CNTNAP5: variants seen among roughly 807,000 people sequenced by gnomAD.
The protein encoded by CNTNAP5 is contactin-associated protein-like 5.
CNTNAP5 carries 72 observed loss-of-function variants against 150.2 expected under a neutral mutation model. That is an observed-to-expected ratio of 0.48 (90% CI 0.40 to 0.58). The LOEUF is 0.58. CNTNAP5 is among the 20% of genes least tolerant of loss of function. CNTNAP5 has a pLI of 0.00. For synonymous variants in CNTNAP5, 672 were observed against 619.8 expected (o/e 1.08, Z -1.25); for missense variants, 1,636 against 1,626.2 (o/e 1.01, Z -0.10).
intron 12 of CNTNAP5, among the ~76,000 whole-genome samples, chr2:124,635,544 C>T (rs1297574468): frequency 6.6e-6 from 1 of 152,164 alleles, no homozygotes; most frequent in African/African-American, 2.4e-5. Flanking sequence ...TCCATCAAGT[C>T]CTCCTGACTT....
At chr2:124,441,441 T>C (rs1387026467) in intron 5 of CNTNAP5, among the ~76,000 whole-genome samples, 1 of 152,134 alleles carries the variant, frequency 6.6e-6, no homozygotes, top group East Asian at 1.9e-4. Flanking sequence ...TAGTGCTTAT[T>C]TGTGCCTTTT....
intron 13 of CNTNAP5, among the ~76,000 whole-genome samples, chr2:124,692,244 A>G (rs926168252): frequency 2.0e-5 from 3 of 152,146 alleles, no homozygotes; most frequent in Admixed American, 6.6e-5. Context: ...AACTATTTTC[A>G]ACCAGAGGTC....
At chr2:124,904,824 A>G (rs1436640579) in intron 22 of CNTNAP5, among the ~76,000 whole-genome samples, 2 of 151,898 alleles carry the variant, frequency 1.3e-5, no homozygotes, top group Non-Finnish European at 2.9e-5. Context: ...GAAAATATAT[A>G]TATATGTTTA....
intron 4 of CNTNAP5, among the ~76,000 whole-genome samples, chr2:124,419,153 A>ACAAAAAAAAAC (rs1476584482): frequency 3.9e-5 from 3 of 76,404 alleles, no homozygotes; most frequent in African/African-American, 1.4e-4. Context: ...AAAAAAAAAA[A>ACAAAAAAAAAC]AAAAAAAAAA....
intron 4 of CNTNAP5, among the ~76,000 whole-genome samples, chr2:124,434,071 T>C (rs1692461684): frequency 6.6e-6 from 1 of 152,158 alleles, no homozygotes; most frequent in African/African-American, 2.4e-5. Context: ...ATTATATCTA[T>C]TTTTCATCTC....
At chr2:124,422,786 C>A (rs1692140130) in intron 4 of CNTNAP5, among the ~76,000 whole-genome samples, 1 of 152,166 alleles carries the variant, frequency 6.6e-6, no homozygotes, top group Non-Finnish European at 1.5e-5. Context: ...TGTTCTCAGA[C>A]CTAGTTCTAC....
chr2:124,554,299 C>T (rs890948319), intron 10 of CNTNAP5, among the ~76,000 whole-genome samples: 1 of 151,908 alleles, frequency 6.6e-6, no homozygotes, highest in African/African-American at 2.4e-5. Flanking sequence ...CAGAATGTGA[C>T]AAACACTTGT....
chr2:124,806,898 G>A (rs918855675), intron 19 of CNTNAP5, among the ~76,000 whole-genome samples: 1 of 146,262 alleles, frequency 6.8e-6, no homozygotes, highest in Admixed American at 7.1e-5. Flanking sequence ...GCTAGTTACT[G>A]AACTACCTTT....
chr2:124,294,113 G>A (rs111277307), intron 3 of CNTNAP5, among the ~76,000 whole-genome samples: 3,437 of 130,452 alleles, frequency 0.026, 130 homozygotes, highest in African/African-American at 0.094. Flanking sequence ...TATTTGTCCC[G>A]ACATGGAAGC....
chr2:124,833,568 C>A (rs1227855170), intron 19 of CNTNAP5, among the ~76,000 whole-genome samples: 2 of 152,134 alleles, frequency 1.3e-5, no homozygotes, highest in African/African-American at 4.8e-5. Flanking sequence ...GGAATGAGGA[C>A]CTCACCTAGG....
intron 1 of CNTNAP5, among the ~76,000 whole-genome samples, chr2:124,064,182 T>A (rs570683231): frequency 3.9e-5 from 6 of 152,110 alleles, no homozygotes; most frequent in Non-Finnish European, 8.8e-5. Context: ...CAAATCCCCC[T>A]GTATTAAGTG....
intron 1 of CNTNAP5, among the ~76,000 whole-genome samples, chr2:124,084,271 GTT>G (rs572952535): frequency 2.7e-5 from 4 of 145,780 alleles, no homozygotes; most frequent in African/African-American, 7.5e-5. Context: ...TTTTGTAGAG[GTT>G]TTTTTTTTTT....
intron 1 of CNTNAP5, among the ~76,000 whole-genome samples, chr2:124,170,432 T>G (rs913839247): frequency 1.3e-5 from 2 of 152,122 alleles, no homozygotes; most frequent in African/African-American, 4.8e-5. Flanking sequence ...GTATTAGCAT[T>G]GTGTGCAGAT....
At chr2:124,537,886 G>T in intron 10 of CNTNAP5, among the ~76,000 whole-genome samples, 1 of 152,128 alleles carries the variant, frequency 6.6e-6, no homozygotes, top group South Asian at 2.1e-4. Context: ...GGGCACAAAA[G>T]AGCCTTTATT....
intron 11 of CNTNAP5, among the ~76,000 whole-genome samples, chr2:124,581,653 C>T (rs899784645): frequency 1.3e-5 from 2 of 152,036 alleles, no homozygotes; most frequent in African/African-American, 4.8e-5. Flanking sequence ...AAGAGAAAGC[C>T]CACAGGTAAT....
intron 1 of CNTNAP5, among the ~76,000 whole-genome samples, chr2:124,031,172 T>C (rs1308806771): frequency 6.6e-6 from 1 of 151,890 alleles, no homozygotes; most frequent in Non-Finnish European, 1.5e-5. Flanking sequence ...CCCAGAAATA[T>C]TTTTCTCAGG....
intron 12 of CNTNAP5, among the ~76,000 whole-genome samples, chr2:124,635,531 A>C (rs1558713962): frequency 6.6e-6 from 1 of 152,204 alleles, no homozygotes; most frequent in South Asian, 2.1e-4. Context: ...TGCAATGAGA[A>C]GGTCCATCAA....
intron 21 of CNTNAP5, among the ~76,000 whole-genome samples, chr2:124,890,294 T>C (rs1256464404): frequency 6.6e-6 from 1 of 152,088 alleles, no homozygotes; most frequent in Non-Finnish European, 1.5e-5. Flanking sequence ...TGCCCAGGTT[T>C]TGCTTCCTCC....
At chr2:124,555,703 T>C (rs1398309380) in intron 10 of CNTNAP5, among the ~76,000 whole-genome samples, 1 of 152,112 alleles carries the variant, frequency 6.6e-6, no homozygotes, top group African/African-American at 2.4e-5. Flanking sequence ...CCATGTTAAC[T>C]TACACAGGCT....
Sources: gnomAD v4.1 joint callset for allele counts (sites outside exome capture counted in the v4.1 genomes callset) on GRCh38, gnomAD v4.1.1 for gene constraint, MANE v1.5 for transcripts, NCBI Gene and HGNC (gene_info 2026-07-23, HGNC 2026-07-21) for gene names.